VRK2: variants seen among roughly 807,000 people sequenced by gnomAD.
The protein encoded by VRK2 is serine/threonine-protein kinase VRK2.
VRK2 carries 60 observed loss-of-function variants against 57.6 expected under a neutral mutation model. That is an observed-to-expected ratio of 1.04 (90% CI 0.85 to 1.29). The LOEUF (loss-of-function observed/expected upper bound fraction) is 1.29. Ranked by LOEUF, VRK2 falls within the 50% of genes most tolerant of loss-of-function variation. The probability of loss-of-function intolerance (pLI) is 0.00; values close to 1 mark genes in which losing one functional copy is unlikely to be tolerated. For missense variants in VRK2, 705 were observed against 588.1 expected, an observed-to-expected ratio of 1.20 and a Z score of -2.06; for synonymous variants, 231 against 199.2, an observed-to-expected ratio of 1.16 and a Z score of -1.35.
At position 57,992,395 on chromosome 2, in the gene VRK2, G is replaced by C. The variant is rs747458124; in HGVS notation, c.-438-33270G>C. ...TGGGTTGAATTTGAACAGTAAGAAA[G>C]AAGGGCATTCCAGAGTAGGGAACAT... On this transcript the variant is annotated intron_variant, in intron 1 of 15. Coordinates refer to the VRK2 transcript ENST00000417641. 6.8e-4 allele frequency among the ~76,000 whole-genome samples: 103 copies of C among 152,322 alleles called. 1 individual carries two copies. Among genetic ancestry groups the C allele is most frequent in the Non-Finnish European group, 1.2e-3 (82 of 68,018 alleles).
At chr2:57,959,608 G>A (rs1053435653) in intron 1 of VRK2, among the ~76,000 whole-genome samples, 11 of 152,148 alleles carry the variant, frequency 7.2e-5, no homozygotes. Flanking sequence ...AAAAGCAGCA[G>A]GGACTGTAAT....
intron 7 of VRK2, among the ~76,000 whole-genome samples, chr2:58,115,650 G>T (rs558252715): frequency 6.6e-5 from 10 of 152,338 alleles, no homozygotes; most frequent in Admixed American, 6.5e-4. Flanking sequence ...TTTTGTAAGG[G>T]ATTGAGGTTT....
rs1403549785 is a variant in VRK2, at chr2:58,159,794, T to G, written c.*101T>G. 2 of 1,611,948 alleles carry G rather than the reference T, an allele frequency of 1.2e-6. No individual in the cohort carries two copies. The highest frequency in any genetic ancestry group is 1.7e-6 in the Non-Finnish European group (2 of 1,178,886). On this transcript the variant is annotated 3_prime_UTR_variant, in exon 13 of 13. Transcript: ENST00000340157. The stretch of plus-strand genomic sequence containing the variant: ...TGTTTCCTTCCAGACATTTTTAAGG[T>G]AATTGGCTTTAAAAAGAGAACATAT...
intron 1 of VRK2, among the ~76,000 whole-genome samples, chr2:57,909,477 T>TG (rs10679276): frequency 0.036 from 5,357 of 150,128 alleles, 339 homozygotes; most frequent in African/African-American, 0.13. Flanking sequence ...TGTGTGTGTG[T>TG]TTTTTTTTTA....
At chr2:57,927,035 T>TG (rs1553361876) in intron 1 of VRK2, among the ~76,000 whole-genome samples, 1 of 150,866 alleles carries the variant, frequency 6.6e-6, no homozygotes, top group Admixed American at 6.6e-5. Flanking sequence ...TGTGTGTCTG[T>TG]CGTATTTTTT....
At chr2:58,104,251 T>C (rs1359004619) in intron 7 of VRK2, among the ~76,000 whole-genome samples, 1 of 151,708 alleles carries the variant, frequency 6.6e-6, no homozygotes, top group Non-Finnish European at 1.5e-5. Context: ...ACATCCAGAT[T>C]GCAAAAGAAG....
At chr2:58,012,573 A>G (rs1373918165) in intron 1 of VRK2, among the ~76,000 whole-genome samples, 1 of 152,164 alleles carries the variant, frequency 6.6e-6, no homozygotes, top group Non-Finnish European at 1.5e-5. Flanking sequence ...GTTTGGGGGG[A>G]TAGGGCTGAA....
chr2:58,074,822 C>G (rs1382194997), intron 2 of VRK2, among the ~76,000 whole-genome samples: 1 of 151,970 alleles, frequency 6.6e-6, no homozygotes, highest in Non-Finnish European at 1.5e-5. Context: ...TGTTGATGTG[C>G]TGGTAAGGTG....
intron 12 of VRK2, among the ~76,000 whole-genome samples, chr2:58,153,978 A>G (rs899662283): frequency 6.6e-6 from 1 of 152,072 alleles, no homozygotes; most frequent in Non-Finnish European, 1.5e-5. Flanking sequence ...TGTCACAACT[A>G]TTTATCTCTT....
At chr2:58,134,707 G>GT (rs1395635558) in intron 9 of VRK2, among the ~76,000 whole-genome samples, 7 of 151,406 alleles carry the variant, frequency 4.6e-5, no homozygotes, top group Non-Finnish European at 8.8e-5. Context: ...CTTTTGTCCA[G>GT]TCACATTCCT....
At chr2:57,989,390 T>G (rs1320765926) in intron 1 of VRK2, among the ~76,000 whole-genome samples, 1 of 152,254 alleles carries the variant, frequency 6.6e-6, no homozygotes, top group Non-Finnish European at 1.5e-5. Context: ...CTAATATCAC[T>G]TCATTATGTT....
chr2:58,093,889 C>A lies in VRK2; in HGVS notation c.543+4166C>A, dbSNP rs1236600469. 4.6e-5 allele frequency among the ~76,000 whole-genome samples: 7 copies of A among 152,168 alleles called. No individual in the cohort carries two copies. The East Asian group carries it at 1.3e-3, about 29-fold the overall frequency. ...GTTTCAGCTTCCTACATATGGCTAG[C>A]CAGTTTTCCCAGCACCATTTATTAA... On this transcript the variant is annotated intron_variant, in intron 7 of 12. Transcript: ENST00000340157.
At chr2:58,005,051 T>C (rs2103632985) in intron 1 of VRK2, among the ~76,000 whole-genome samples, 1 of 152,292 alleles carries the variant, frequency 6.6e-6, no homozygotes, top group Admixed American at 6.5e-5. Flanking sequence ...AACATTATGT[T>C]AACATTCATG....
intron 1 of VRK2, among the ~76,000 whole-genome samples, chr2:57,916,833 C>G (rs1003167497): frequency 1.3e-5 from 2 of 152,168 alleles, no homozygotes; most frequent in Admixed American, 6.6e-5. Flanking sequence ...CCAGTTTCAA[C>G]TCTTTGGAAA....
At chr2:57,958,775 T>C (rs1037731804) in intron 1 of VRK2, among the ~76,000 whole-genome samples, 1 of 152,164 alleles carries the variant, frequency 6.6e-6, no homozygotes, top group Non-Finnish European at 1.5e-5. Context: ...GCTCATAAAT[T>C]AATATCATTG....
intron 1 of VRK2, among the ~76,000 whole-genome samples, chr2:57,961,002 A>G (rs1671741122): frequency 6.6e-6 from 1 of 152,228 alleles, no homozygotes; most frequent in African/African-American, 2.4e-5. Flanking sequence ...GTGCCAGGCA[A>G]TGTTTTAGAC....
chr2:58,146,186 T>A, intron 11 of VRK2, 130 bp from the exon 12 acceptor site: 5 of 784,858 alleles, frequency 6.4e-6, no homozygotes, highest in Non-Finnish European at 9.4e-6. Flanking sequence ...GTCCACTTGC[T>A]GCTTTCCTCT....
At position 58,131,833 on chromosome 2, in the gene VRK2, G is replaced by A. The variant is rs140941372; in HGVS notation, c.702G>A (p.Glu234=). 132 of 1,613,506 alleles carry A rather than the reference G, an allele frequency of 8.2e-5. No homozygotes were observed. The highest frequency in any genetic ancestry group is 2.5e-4 in the Admixed American group (15 of 59,904). Reference sequence around the variant, plus strand: ...CCTTGTCCAGACGAAGTGACGTTGAGATCCTCGGCTACTGCATGCTGCGGT... The same window carrying A: ...CCTTGTCCAGACGAAGTGACGTTGAAATCCTCGGCTACTGCATGCTGCGGT... The part of the protein sequence containing the change: ...GVALSRRSDV[E]ILGYCMLRWL... The change falls in exon 9 of 13, where the codon GAG becomes GAA. Residue 234 remains glutamate (E), a synonymous_variant. Transcript: ENST00000340157.
chr2:57,968,596 G>T (rs1054671013), intron 1 of VRK2, among the ~76,000 whole-genome samples: 10 of 152,116 alleles, frequency 6.6e-5, no homozygotes, highest in African/African-American at 2.4e-4. Context: ...TTGTTATTAC[G>T]TGAATGCCAT....
Sources: gnomAD v4.1 joint callset for allele counts (sites outside exome capture counted in the v4.1 genomes callset) on GRCh38, gnomAD v4.1.1 for gene constraint, MANE v1.5 for transcripts, NCBI Gene and HGNC (gene_info 2026-07-23, HGNC 2026-07-21) for gene names.